The following SPOCK3 variants were observed in gnomAD, a reference collection of about 807,000 sequenced individuals.
The protein encoded by SPOCK3 is SPARC (osteonectin), cwcv and kazal like domains proteoglycan 3.
Under a neutral mutation model 56.6 loss-of-function variants are expected in SPOCK3, and 30 were observed. The observed-to-expected ratio is 0.53, with a 90% CI of 0.40 to 0.72. The LOEUF (loss-of-function observed/expected upper bound fraction) is 0.72. Among genes scored for constraint, SPOCK3 ranks in the 30% least tolerant of loss-of-function variants. The probability of loss-of-function intolerance (pLI) is 0.00; values close to 1 mark genes in which losing one functional copy is unlikely to be tolerated. For missense variants in SPOCK3, 527 were observed against 530.0 expected, an observed-to-expected ratio of 0.99 and a Z score of 0.06; for synonymous variants, 196 against 183.3, an observed-to-expected ratio of 1.07 and a Z score of -0.56.
At chr4:167,109,751 A>G (rs1760734320) in intron 2 of SPOCK3, among the ~76,000 whole-genome samples, 1 of 151,194 alleles carries the variant, frequency 6.6e-6, no homozygotes, top group Admixed American at 6.7e-5. Flanking sequence ...ACAAGACCTT[A>G]AAGAAGAAAA....
intron 2 of SPOCK3, among the ~76,000 whole-genome samples, chr4:167,126,020 A>T (rs1762248157): frequency 6.6e-6 from 1 of 152,224 alleles, no homozygotes; most frequent in Non-Finnish European, 1.5e-5. Context: ...TATTGGCAAT[A>T]ACAGGTACAA....
intron 2 of SPOCK3, among the ~76,000 whole-genome samples, chr4:167,099,475 T>A (rs1348481220): frequency 6.6e-6 from 1 of 151,948 alleles, no homozygotes; most frequent in African/African-American, 2.4e-5. Flanking sequence ...AGATCAGAGG[T>A]ACGTGAAATT....
At chr4:167,099,786 T>C (rs1254979432) in intron 2 of SPOCK3, among the ~76,000 whole-genome samples, 1 of 152,130 alleles carries the variant, frequency 6.6e-6, no homozygotes, top group Non-Finnish European at 1.5e-5. Context: ...TCTGTCACTG[T>C]CTGTAATTTT....
chr4:166,769,031 G>A (rs936602628), intron 7 of SPOCK3, among the ~76,000 whole-genome samples: 3 of 152,158 alleles, frequency 2.0e-5, no homozygotes, highest in African/African-American at 7.2e-5. Context: ...ATGGTTTTCA[G>A]CTCTATCAGG....
At chr4:166,824,077 T>A (rs1021693105) in intron 6 of SPOCK3, among the ~76,000 whole-genome samples, 2 of 151,992 alleles carry the variant, frequency 1.3e-5, no homozygotes, top group Non-Finnish European at 2.9e-5. Context: ...GTCAGTCCCA[T>A]TCCAGTGCGC....
At chr4:166,913,037 C>T (rs953420606) in intron 4 of SPOCK3, among the ~76,000 whole-genome samples, 27 of 152,028 alleles carry the variant, frequency 1.8e-4, no homozygotes, top group African/African-American at 6.5e-4. Context: ...GACTCAGAAA[C>T]AGAAGCAACA....
intron 6 of SPOCK3, among the ~76,000 whole-genome samples, chr4:166,863,954 C>T (rs903597221): frequency 6.6e-6 from 1 of 152,126 alleles, no homozygotes; most frequent in Non-Finnish European, 1.5e-5. Flanking sequence ...ATCTACAGAA[C>T]TCTCCACCCC....
At chr4:167,011,363 T>G in intron 3 of SPOCK3, 1 of 452,604 alleles carries the variant, frequency 2.2e-6, no homozygotes, top group Non-Finnish European at 4.4e-6. Flanking sequence ...TCAAACAACC[T>G]CTCTAAAATA....
intron 9 of SPOCK3, among the ~76,000 whole-genome samples, chr4:166,741,055 G>A (rs1230035953): frequency 1.3e-5 from 2 of 152,146 alleles, no homozygotes; most frequent in Non-Finnish European, 2.9e-5. Flanking sequence ...TACAAAGATA[G>A]TAAGTCAAAA....
Position 166,749,699 on chromosome 4 carries a change from G to C in SPOCK3, c.931+4809C>G, listed in dbSNP as rs78277633. ...TAAAGAAAACCTGTTTTAAAATCTT[G>C]TATAATTAGTATATTGTTCTATTTC... On this transcript the variant is annotated intron_variant, in intron 8 of 10. Transcript: ENST00000357545. Among the ~76,000 whole-genome samples, 1,202 of 152,054 alleles carry C rather than the reference G, an allele frequency of 7.9e-3. 8 individuals are homozygous for C. Among genetic ancestry groups the C allele is most frequent in the Non-Finnish European group, 0.013 (874 of 67,968 alleles).
chr4:167,059,136 C>A (rs201275768), intron 3 of SPOCK3, among the ~76,000 whole-genome samples: 1,868 of 151,970 alleles, frequency 0.012, 22 homozygotes, highest in Middle Eastern at 0.02. Flanking sequence ...GCAACAAAAG[C>A]CAAAATTGAC....
chr4:166,965,921 T>C (rs1744687070), intron 4 of SPOCK3, among the ~76,000 whole-genome samples: 1 of 152,098 alleles, frequency 6.6e-6, no homozygotes, highest in African/African-American at 2.4e-5. Flanking sequence ...TGGGTAAATG[T>C]ATAATGACAT....
intron 2 of SPOCK3, among the ~76,000 whole-genome samples, chr4:167,080,128 G>A (rs1757573415): frequency 6.6e-6 from 1 of 151,980 alleles, no homozygotes; most frequent in African/African-American, 2.4e-5. Flanking sequence ...CCAAACTTGA[G>A]TACTTTTCAT....
intron 7 of SPOCK3, among the ~76,000 whole-genome samples, chr4:166,755,646 GA>G (rs1459209694): frequency 1.3e-5 from 2 of 151,990 alleles, no homozygotes; most frequent in African/African-American, 4.8e-5. Flanking sequence ...TATTTGCATG[GA>G]AAAGAGGATG....
At chr4:166,793,068 T>C (rs1183237563) in intron 6 of SPOCK3, among the ~76,000 whole-genome samples, 1 of 152,116 alleles carries the variant, frequency 6.6e-6, no homozygotes, top group Non-Finnish European at 1.5e-5. Context: ...TGCAAAAATA[T>C]TTTGAAAATA....
At chr4:166,813,754 T>C (rs1744091689) in intron 6 of SPOCK3, among the ~76,000 whole-genome samples, 1 of 151,988 alleles carries the variant, frequency 6.6e-6, no homozygotes, top group Admixed American at 6.6e-5. Context: ...TTCAAAATTC[T>C]TTTGTACCAA....
chr4:166,866,634 C>T (rs1432716692), intron 6 of SPOCK3, among the ~76,000 whole-genome samples: 1 of 152,054 alleles, frequency 6.6e-6, no homozygotes, highest in African/African-American at 2.4e-5. Context: ...TATGAACAGA[C>T]ACTTCTCAAA....
intron 4 of SPOCK3, among the ~76,000 whole-genome samples, chr4:166,999,947 T>C (rs1748781238): frequency 6.6e-6 from 1 of 152,174 alleles, no homozygotes. Flanking sequence ...TAATCTCTTT[T>C]TATGAACATC....
chr4:167,145,655 C>A (rs1763883466), intron 2 of SPOCK3, among the ~76,000 whole-genome samples: 1 of 152,066 alleles, frequency 6.6e-6, no homozygotes, highest in Non-Finnish European at 1.5e-5. Context: ...GGCCAATATT[C>A]AACACTCTTA....
Sources: gnomAD v4.1 joint callset for allele counts (sites outside exome capture counted in the v4.1 genomes callset) on GRCh38, gnomAD v4.1.1 for gene constraint, MANE v1.5 for transcripts, NCBI Gene and HGNC (gene_info 2026-07-23, HGNC 2026-07-21) for gene names.